ATRX: variants seen among roughly 807,000 people sequenced by gnomAD.
ATRX encodes the protein chromatin remodeler ATRX.
ATRX carries 12 observed loss-of-function variants against 172.6 expected under a neutral mutation model. That is an observed-to-expected ratio of 0.07 (90% CI 0.04 to 0.11). The LOEUF (loss-of-function observed/expected upper bound fraction) is 0.11. ATRX is among the 10% of genes least tolerant of loss of function. The pLI is 1.00. For synonymous variants in ATRX, 674 were observed against 594.7 expected (o/e 1.13, Z -1.94); for missense variants, 1,368 against 1,767.4 (o/e 0.77, Z 4.05).
intron 2 of ATRX, among the ~76,000 whole-genome samples, chrX:77,716,127 TTTTTTTTTTTTTTTTTTTG>T (rs1228405877): frequency 0.59 from 46,856 of 78,988 alleles, 11,863 homozygotes; most frequent in Non-Finnish European, 0.72. Context: ...TTTTTTTTTT[TTTTTTTTTTTTTTTTTTTG>T]AAATTAACCA....
chrX:77,710,933 A>AACACAC (rs145847838), intron 2 of ATRX, among the ~76,000 whole-genome samples: 293 of 97,913 alleles, frequency 3.0e-3, no homozygotes, highest in Middle Eastern at 5.2e-3. Flanking sequence ...ATAGAACTTT[A>AACACAC]ACACACACAC....
chrX:77,643,492 CAGCCACCTCAACCGATCT>C (rs782297050), intron 15 of ATRX, among the ~76,000 whole-genome samples: 30 of 111,155 alleles, frequency 2.7e-4, no homozygotes, highest in East Asian at 1.7e-3. Flanking sequence ...TGAATTGATC[CAGCCACCTCAACCGATCT>C]AGCCACCTCA....
intron 10 of ATRX, among the ~76,000 whole-genome samples, chrX:77,669,690 G>C (rs2070449985): frequency 9.0e-6 from 1 of 111,277 alleles, no homozygotes; most frequent in Admixed American, 9.6e-5. Context: ...AAGAACTCAA[G>C]CTTTAATTTT....
intron 4 of ATRX, 82 bp from the exon 5 acceptor site, chrX:77,696,786 G>T: frequency 9.8e-7 from 1 of 1,017,321 alleles, no homozygotes. Flanking sequence ...AACATGTTGA[G>T]ATTGAGCAGT....
chrX:77,666,111 T>C (rs2070222889), intron 10 of ATRX, among the ~76,000 whole-genome samples: 1 of 112,105 alleles, frequency 8.9e-6, no homozygotes, highest in African/African-American at 3.2e-5. Context: ...CTTCCATAAA[T>C]GTTTATTATA....
At chrX:77,685,767 T>C (rs782240368) in intron 7 of ATRX, among the ~76,000 whole-genome samples, 25 of 111,846 alleles carry the variant, frequency 2.2e-4, no homozygotes, top group Non-Finnish European at 4.0e-4. Context: ...CTGTTTACAA[T>C]AGCAAAGATT....
intron 1 of ATRX, among the ~76,000 whole-genome samples, chrX:77,731,601 T>C (rs1432436465): frequency 9.0e-6 from 1 of 111,483 alleles, no homozygotes; most frequent in African/African-American, 3.3e-5. Flanking sequence ...GAATGTTGCC[T>C]TTTCCAAAAC....
chrX:77,611,406 T>C (rs994854838), intron 22 of ATRX, among the ~76,000 whole-genome samples: 14 of 112,327 alleles, frequency 1.2e-4, no homozygotes, highest in Non-Finnish European at 2.4e-4. Flanking sequence ...TTTGTAAATT[T>C]AGTAGTGTTC....
At chrX:77,630,528 A>C (rs782057648) in intron 19 of ATRX, among the ~76,000 whole-genome samples, 1 of 112,480 alleles carries the variant, frequency 8.9e-6, no homozygotes, top group East Asian at 2.8e-4. Flanking sequence ...TCACACTGGC[A>C]TAAGGACAGA....
intron 25 of ATRX, chrX:77,596,695 T>C (rs191873572): frequency 9.0e-6 from 1 of 110,699 alleles, no homozygotes; most frequent in East Asian, 2.8e-4. Flanking sequence ...CCATTCACAT[T>C]ATGGCATATG....
intron 30 of ATRX, among the ~76,000 whole-genome samples, chrX:77,528,105 G>A (rs1276847918): frequency 9.1e-6 from 1 of 110,087 alleles, no homozygotes; most frequent in Non-Finnish European, 1.9e-5. Context: ...CAGCCTCCCC[G>A]TTGTGGAGAG....
At chrX:77,577,242 C>T (rs1557070905) in intron 27 of ATRX, among the ~76,000 whole-genome samples, 1 of 111,397 alleles carries the variant, frequency 9.0e-6, no homozygotes, top group East Asian at 2.8e-4. Flanking sequence ...ACCAACAGTA[C>T]ACAAGAGTTC....
intron 28 of ATRX, among the ~76,000 whole-genome samples, chrX:77,571,564 T>G (rs1295614284): frequency 9.0e-6 from 1 of 111,425 alleles, no homozygotes; most frequent in East Asian, 2.8e-4. Flanking sequence ...AGTGACAAGG[T>G]TGGCAGTAAA....
chrX:77,631,758 T>TA (rs782747543), intron 19 of ATRX, among the ~76,000 whole-genome samples: 1 of 111,735 alleles, frequency 8.9e-6, no homozygotes, highest in Non-Finnish European at 1.9e-5. Flanking sequence ...AGAAGACTGT[T>TA]AGAGACATGA....
intron 1 of ATRX, among the ~76,000 whole-genome samples, chrX:77,722,803 A>G (rs782611623): frequency 8.9e-6 from 1 of 111,772 alleles, no homozygotes; most frequent in East Asian, 2.8e-4. Flanking sequence ...AGGATCTAGA[A>G]CTAGAAATAC....
At chrX:77,603,820 T>C (rs1557088689) in intron 22 of ATRX, among the ~76,000 whole-genome samples, 1 of 111,125 alleles carries the variant, frequency 9.0e-6, no homozygotes, top group Non-Finnish European at 1.9e-5. Flanking sequence ...AACACAGAAA[T>C]AGAGACACAT....
At chrX:77,510,183 C>T (rs1408782702) in intron 34 of ATRX, among the ~76,000 whole-genome samples, 4 of 111,734 alleles carry the variant, frequency 3.6e-5, no homozygotes, top group African/African-American at 1.3e-4. Context: ...CCAGACATAA[C>T]CTGGGCCAGA....
intron 9 of ATRX, among the ~76,000 whole-genome samples, chrX:77,679,947 A>G (rs1323289878): frequency 1.8e-5 from 2 of 112,059 alleles, no homozygotes; most frequent in Admixed American, 9.5e-5. Flanking sequence ...TATTTTTAAT[A>G]TAAGTCCACA....
chrX:77,606,856 T>A (rs985315375), intron 22 of ATRX, among the ~76,000 whole-genome samples: 9 of 110,275 alleles, frequency 8.2e-5, no homozygotes, highest in African/African-American at 3.0e-4. Context: ...ATGTGATACA[T>A]CGTTATGAAC....
Sources: gnomAD v4.1 joint callset for allele counts (sites outside exome capture counted in the v4.1 genomes callset) on GRCh38, gnomAD v4.1.1 for gene constraint, MANE v1.5 for transcripts, NCBI Gene and HGNC (gene_info 2026-07-23, HGNC 2026-07-21) for gene names.